UBE2O: variants seen among roughly 807,000 people sequenced by gnomAD.
UBE2O encodes the protein ubiquitin conjugating enzyme E2 O, also known as (E3-independent) E2 ubiquitin-conjugating enzyme.
Under a neutral mutation model 125.8 loss-of-function variants are expected in UBE2O, and 15 were observed. The observed-to-expected ratio is 0.12, with a 90% CI of 0.08 to 0.18. The LOEUF is 0.18. Among genes scored for constraint, UBE2O ranks in the 10% least tolerant of loss-of-function variants. The pLI is 1.00. For synonymous variants in UBE2O, 708 were observed against 703.2 expected, an observed-to-expected ratio of 1.01 and a Z score of -0.11; for missense variants, 1,280 against 1,723.6, an observed-to-expected ratio of 0.74 and a Z score of 4.56.
At chr17:76,409,062 G>A (rs559934957) in intron 1 of UBE2O, among the ~76,000 whole-genome samples, 3 of 151,810 alleles carry the variant, frequency 2.0e-5, no homozygotes, top group Non-Finnish European at 2.9e-5. Context: ...TCCGCCTCCC[G>A]GGTTCACGCC....
intron 1 of UBE2O, among the ~76,000 whole-genome samples, chr17:76,442,925 G>A (rs2143900252): frequency 6.6e-6 from 1 of 152,334 alleles, no homozygotes; most frequent in East Asian, 1.9e-4. Context: ...TGCAGGCACA[G>A]GATGCAAGAG....
intron 1 of UBE2O, among the ~76,000 whole-genome samples, chr17:76,420,184 A>G (rs1410651996): frequency 6.6e-6 from 1 of 152,240 alleles, no homozygotes; most frequent in Non-Finnish European, 1.5e-5. Context: ...CTTCCTAGGC[A>G]GACTCATGCT....
At chr17:76,422,585 A>G (rs904399779) in intron 1 of UBE2O, among the ~76,000 whole-genome samples, 2 of 152,210 alleles carry the variant, frequency 1.3e-5, no homozygotes, top group Non-Finnish European at 2.9e-5. Flanking sequence ...TCCATCTGCA[A>G]TGAAGCCGAG....
In UBE2O at chr17:76,395,905, T is replaced by TG. The variant is rs754891584; in HGVS notation, c.2810-45dup. Reference sequence around the variant, plus strand: ...TAGTCAGTCCCTCATGGAGAGGCCCTGGAGCTCCATCTGCCAACCTGGCTG... The same window carrying TG: ...TAGTCAGTCCCTCATGGAGAGGCCCTGGGAGCTCCATCTGCCAACCTGGCTG... On this transcript the variant is annotated intron_variant, in intron 14 of 17. Transcript: ENST00000319380. The surrounding 1 kb of genome is among the most constrained non-coding windows in gnomAD (Gnocchi z 5.0). 6.2e-7 allele frequency: 1 copy of TG among 1,610,750 alleles called. No homozygotes were observed. Among genetic ancestry groups the TG allele is most frequent in the Non-Finnish European group, 8.5e-7 (1 of 1,179,360 alleles).
chr17:76,391,360 C>T lies in UBE2O; in HGVS notation c.3462G>A (p.Lys1154=), dbSNP rs1208119072. 1.2e-6 allele frequency: 2 copies of T among 1,613,242 alleles called. No homozygotes were observed. The highest frequency in any genetic ancestry group is 1.1e-5 in the South Asian group (1 of 91,078). The stretch of plus-strand genomic sequence containing the variant: ...GCACCCCGTTGGGCAGTGCCTGGGC[C>T]TTCTCCAGCAGGGCATGGGTTTCCA... The part of the protein sequence containing the change: ...SWLETHALLE[K]AQALPNGVPK... The change falls in exon 18 of 18, where the codon AAG becomes AAA. Residue 1154 remains lysine (K), a synonymous_variant. Coordinates refer to ENST00000319380, the MANE Select transcript of UBE2O (RefSeq NM_022066.4). This position sits in a 1 kb window ranked among gnomAD's most constrained non-coding sequence, Gnocchi z 8.4.
intron 1 of UBE2O, among the ~76,000 whole-genome samples, chr17:76,417,913 C>T (rs560245904): frequency 1.3e-5 from 2 of 152,244 alleles, no homozygotes; most frequent in South Asian, 4.2e-4. Context: ...GTGCTGTTTC[C>T]GCTGGTATTT....
At position 76,410,547 on chromosome 17, in the gene UBE2O, G is replaced by C. The variant is rs926960739; in HGVS notation, c.418-4975C>G. 3.2e-4 allele frequency among the ~76,000 whole-genome samples: 48 copies of C among 152,330 alleles called. 1 individual carries two copies. The highest frequency in any genetic ancestry group is 4.4e-5 in the Non-Finnish European group (3 of 68,028). On this transcript the variant is annotated intron_variant, in intron 1 of 17. Transcript: ENST00000319380. This position sits in a 1 kb window ranked among gnomAD's most constrained non-coding sequence, Gnocchi z 4.0. ...CTGAGACCCGAACAATGGCAGAGAA[G>C]GTGGGTCTGCGGACCAGCCTCTGGA...
At position 76,411,628 on chromosome 17, in the gene UBE2O, C is replaced by T. The variant is rs189832710; in HGVS notation, c.418-6056G>A. ...CGAGACATGGGTGCTCTCTTTTAAT[C>T]CCGGGGTAAAAGGCAACCCCACCGC... On this transcript the variant is annotated intron_variant, in intron 1 of 17. Transcript: ENST00000319380. Among the ~76,000 whole-genome samples, 360 of 152,308 alleles carry T rather than the reference C, an allele frequency of 2.4e-3. 1 individual carries two copies. The highest frequency in any genetic ancestry group is 3.8e-3 in the Admixed American group (58 of 15,308).
At position 76,402,780 on chromosome 17, in the gene UBE2O, G is replaced by A. The variant is rs907338542; in HGVS notation, c.589-81C>T. 47 of 1,195,126 alleles carry A rather than the reference G, an allele frequency of 3.9e-5. No homozygotes were observed. Among genetic ancestry groups the A allele is most frequent in the Middle Eastern group, 4.5e-4 (2 of 4,488 alleles). 74.0% of individuals were successfully genotyped at this position (1,195,126 alleles called of 1,614,324 possible). A position where few individuals can be genotyped will look rare whatever the true frequency, so the allele number is the denominator to read the frequency against. On this transcript the variant is annotated intron_variant, in intron 3 of 17. Coordinates refer to ENST00000319380, the MANE Select transcript of UBE2O (RefSeq NM_022066.4). This position sits in a 1 kb window ranked among gnomAD's most constrained non-coding sequence, Gnocchi z 5.4. ...GGCACAGATTCCTCTATGCCCCACC[G>A]AAGACAGGATGGGGGAGGATCTAGA...
chr17:76,452,673 C>A lies in UBE2O; in HGVS notation c.417+52G>T. On this transcript the variant is annotated intron_variant, in intron 1 of 17. Coordinates refer to ENST00000319380, the MANE Select transcript of UBE2O (RefSeq NM_022066.4). This position sits in a 1 kb window ranked among gnomAD's most constrained non-coding sequence, Gnocchi z 4.4. ...GCACGCCGTCCTTCCCTGGCCTCGGCCCGGCCGCCGACCCCCTGCCGCCCG... is the reference window on the plus strand; with the variant it reads ...GCACGCCGTCCTTCCCTGGCCTCGGACCGGCCGCCGACCCCCTGCCGCCCG... 7.5e-7 allele frequency: 1 copy of A among 1,340,140 alleles called. No individual in the cohort carries two copies. The highest frequency in any genetic ancestry group is 9.5e-7 in the Non-Finnish European group (1 of 1,055,272). The allele number at this position is 1,340,140 out of a possible 1,614,324, so 83.0% of individuals were successfully genotyped here.
chr17:76,401,988 G>A, intron 5 of UBE2O, 76 bp downstream of exon 5: 1 of 1,501,846 alleles, frequency 6.7e-7, no homozygotes, highest in African/African-American at 1.4e-5. Context: ...GCTGGGTCCA[G>A]GTCTTTGCTA....
chr17:76,436,400 T>C (rs954944229), intron 1 of UBE2O, among the ~76,000 whole-genome samples: 6 of 152,144 alleles, frequency 3.9e-5, no homozygotes, highest in African/African-American at 1.4e-4. Flanking sequence ...GTATTAAGTA[T>C]ATAAATAACT....
intron 1 of UBE2O, among the ~76,000 whole-genome samples, chr17:76,424,927 G>A (rs1165481574): frequency 6.7e-6 from 1 of 148,798 alleles, no homozygotes; most frequent in East Asian, 2.0e-4. Flanking sequence ...CTGGAGTGCA[G>A]TGGCGCGATC....
intron 1 of UBE2O, among the ~76,000 whole-genome samples, chr17:76,423,901 T>C (rs927180284): frequency 7.0e-5 from 9 of 128,394 alleles, no homozygotes; most frequent in African/African-American, 2.7e-4. Flanking sequence ...GGGTTCTTTT[T>C]TTTTTTTTTT....
rs1192762386 is a variant in UBE2O at position 76,391,745 on chromosome 17, C to T, written c.3208+11G>A. 1.2e-6 allele frequency: 2 copies of T among 1,614,010 alleles called. No homozygotes were observed. The highest frequency in any genetic ancestry group is 1.7e-6 in the Non-Finnish European group (2 of 1,179,964). On this transcript the variant is annotated intron_variant, in intron 17 of 17. Coordinates refer to ENST00000319380, the MANE Select transcript of UBE2O (RefSeq NM_022066.4). The surrounding 1 kb of genome is among the most constrained non-coding windows in gnomAD (Gnocchi z 8.4). ...TCCCTTGTCCGCACCCCCGCTTCAG[C>T]CCAACTGTACCTTGGATGGAGATGA...
chr17:76,398,269 G>A lies in UBE2O; in HGVS notation c.2011C>T (p.His671Tyr). 6.2e-7 allele frequency: 1 copy of A among 1,614,206 alleles called. No individual in the cohort carries two copies. Among genetic ancestry groups the A allele is most frequent in the Non-Finnish European group, 8.5e-7 (1 of 1,180,012 alleles). Reference protein sequence around the residue: ...RIGNTEDGAPHKEDEPSVGQV... With the variant: ...RIGNTEDGAPYKEDEPSVGQV... ...TGAAGGCGTACCTCATCCTCCTTGTGAGGAGCCCCATCCTCAGTATTGCCG... is the reference window on the plus strand; with the variant it reads ...TGAAGGCGTACCTCATCCTCCTTGTAAGGAGCCCCATCCTCAGTATTGCCG... Residue 671 changes from histidine to tyrosine, a missense_variant, in exon 12 of 18, where the codon CAC (histidine) becomes TAC (tyrosine). This residue lies in a region of UBE2O where 210 missense variants were observed against 268.9 expected (regional missense o/e 0.78). Transcript: ENST00000319380. This position sits in a 1 kb window ranked among gnomAD's most constrained non-coding sequence, Gnocchi z 5.4.
Position 76,395,839 on chromosome 17 carries a change from A to T in UBE2O, c.2832T>A (p.Ile944=), listed in dbSNP as rs1461827225. 1.2e-6 allele frequency: 2 copies of T among 1,614,202 alleles called. No homozygotes were observed. Among genetic ancestry groups the T allele is most frequent in the East Asian group, 4.5e-5 (2 of 44,880 alleles). Residue 944 remains isoleucine (I), a synonymous_variant, in exon 15 of 18, where the codon ATT becomes ATA. Coordinates refer to ENST00000319380, the MANE Select transcript of UBE2O (RefSeq NM_022066.4). This position sits in a 1 kb window ranked among gnomAD's most constrained non-coding sequence, Gnocchi z 5.0. ...FAPSNHSFKK[I]EFQPPEAKKF... ...TCTTGGCTTCTGGAGGCTGGAACTC[A>T]ATTTTCTTAAAAGAATGATTTGCTA...
rs897484688 is a variant in UBE2O at position 76,399,346 on chromosome 17, T to C, written c.1628+103A>G. 10 of 1,196,278 alleles carry C rather than the reference T, an allele frequency of 8.4e-6. No homozygotes were observed. In the South Asian group the frequency reaches 9.8e-5, roughly 12 times the overall value. The allele number at this position is 1,196,278 out of a possible 1,614,324, so 74.1% of individuals were successfully genotyped here. A position where few individuals can be genotyped will look rare whatever the true frequency, so the allele number is the denominator to read the frequency against. ...GGAGCCCCGGAGCCACTACAAGGCA[T>C]GCAGAGGTGTGTGTGCGAGCGCAGG... On this transcript the variant is annotated intron_variant, in intron 9 of 17. Transcript: ENST00000319380. This position sits in a 1 kb window ranked among gnomAD's most constrained non-coding sequence, Gnocchi z 6.9.
intron 1 of UBE2O, among the ~76,000 whole-genome samples, chr17:76,418,050 G>C (rs1481110291): frequency 6.6e-6 from 1 of 152,150 alleles, no homozygotes; most frequent in African/African-American, 2.4e-5. Flanking sequence ...CGCAGGGGGA[G>C]GTCACAGAGC....
Sources: gnomAD v4.1 joint callset for allele counts (sites outside exome capture counted in the v4.1 genomes callset) on GRCh38, gnomAD v4.1.1 for gene constraint, gnomAD v4.1.1 regional missense constraint, Gnocchi (gnomAD v3.1) non-coding constraint, MANE v1.5 for transcripts, NCBI Gene and HGNC (gene_info 2026-07-23, HGNC 2026-07-21) for gene names.